Variants in VSX2 observed in about 807,000 individuals in gnomAD.
VSX2 encodes the protein visual system homeobox 2.
In VSX2, 28 loss-of-function variants were observed where a neutral mutation model predicts 32.1. That is an observed-to-expected ratio of 0.87 (90% CI 0.65 to 1.20). The LOEUF is 1.20. Among genes scored for constraint, VSX2 ranks in the 50% most tolerant of loss-of-function variants. The probability of loss-of-function intolerance (pLI) is 0.00; values close to 1 mark genes in which losing one functional copy is unlikely to be tolerated. For synonymous variants in VSX2, 243 were observed against 214.1 expected (o/e 1.14, Z -1.18); for missense variants, 506 against 488.7 (o/e 1.04, Z -0.33).
At chr14:74,243,635 G>A (rs1447781133) in intron 2 of VSX2, among the ~76,000 whole-genome samples, 3 of 152,026 alleles carry the variant, frequency 2.0e-5, no homozygotes, top group East Asian at 3.8e-4. Flanking sequence ...TGGCAGAAGC[G>A]AAAAAGCAGC....
intron 3 of VSX2, among the ~76,000 whole-genome samples, chr14:74,254,929 C>G (rs2079253778): frequency 6.6e-6 from 1 of 151,772 alleles, no homozygotes; most frequent in South Asian, 2.1e-4. Flanking sequence ...ACAGGCGCCC[C>G]CCACCACACC....
chr14:74,260,463 G>A, intron 4 of VSX2, 131 bp from the exon 5 acceptor site: 1 of 964,056 alleles, frequency 1.0e-6, no homozygotes, highest in Non-Finnish European at 1.6e-6. Flanking sequence ...TGGGACTTGT[G>A]TGACTGCGGT....
intron 2 of VSX2, among the ~76,000 whole-genome samples, chr14:74,243,823 G>A (rs1333991344): frequency 1.3e-5 from 2 of 151,902 alleles, no homozygotes; most frequent in East Asian, 3.9e-4. Flanking sequence ...ACCAGCACAA[G>A]GATTGTGTGA....
intron 3 of VSX2, among the ~76,000 whole-genome samples, chr14:74,250,000 G>A (rs2079218741): frequency 6.6e-6 from 1 of 152,070 alleles, no homozygotes; most frequent in East Asian, 1.9e-4. Context: ...CAGCATTTTG[G>A]GAGCCTAAGG....
intron 2 of VSX2, among the ~76,000 whole-genome samples, chr14:74,244,545 G>A (rs1457890523): frequency 6.6e-6 from 1 of 152,072 alleles, no homozygotes; most frequent in Non-Finnish European, 1.5e-5. Context: ...TTGACCTTCC[G>A]GTGAATCTTC....
intron 2 of VSX2, among the ~76,000 whole-genome samples, chr14:74,243,717 GAGAAT>G (rs146290440): frequency 0.013 from 2,029 of 151,134 alleles, 45 homozygotes; most frequent in African/African-American, 0.044. Flanking sequence ...CCCACCCCCA[GAGAAT>G]AGGAGAAACG....
intron 3 of VSX2, among the ~76,000 whole-genome samples, chr14:74,246,969 G>C (rs1465263343): frequency 6.6e-6 from 1 of 152,058 alleles, no homozygotes; most frequent in Non-Finnish European, 1.5e-5. Flanking sequence ...TTGCTTGGGG[G>C]TTGCCTATAA....
intron 2 of VSX2, 96 bp downstream of exon 2, chr14:74,241,362 A>G: frequency 7.3e-7 from 1 of 1,363,288 alleles, no homozygotes; most frequent in Non-Finnish European, 1.0e-6. Context: ...TTTCGCCGAC[A>G]ACGGATCTGA....
Position 74,261,053 on chromosome 14 carries a change from A to T in VSX2, c.*134A>T. ...CCCTGTTCCCCACAGGTCCTCCATCACCCCTGGTGGCTGCAGGCACCGCTG... is the reference window on the plus strand; with the variant it reads ...CCCTGTTCCCCACAGGTCCTCCATCTCCCCTGGTGGCTGCAGGCACCGCTG... On this transcript the variant is annotated 3_prime_UTR_variant, in exon 5 of 5. Transcript: ENST00000261980. 1 of 1,081,984 alleles carries T rather than the reference A, an allele frequency of 9.2e-7. No homozygotes were observed. Among genetic ancestry groups the T allele is most frequent in the Non-Finnish European group, 1.3e-6 (1 of 751,400 alleles). 67.0% of individuals were successfully genotyped at this position (1,081,984 alleles called of 1,614,324 possible). A position where few individuals can be genotyped will look rare whatever the true frequency, so the allele number is the denominator to read the frequency against.
rs2079314101 is a variant in VSX2 at position 74,262,370 on chromosome 14, G to C, written c.*1451G>C. 6.6e-6 allele frequency: 1 copy of C among 152,246 alleles called. No homozygotes were observed. Among genetic ancestry groups the C allele is most frequent in the African/African-American group, 2.4e-5 (1 of 41,436 alleles). The allele number at this position is 152,246 out of a possible 1,614,324, so 9.4% of individuals were successfully genotyped here. The stretch of plus-strand genomic sequence containing the variant: ...TGACCTGCCCGATCCAGATTCCCAG[G>C]CCAGGCTCCCGACCCCATCCACCTA... On this transcript the variant is annotated 3_prime_UTR_variant, in exon 5 of 5. Coordinates refer to ENST00000261980, the MANE Select transcript of VSX2 (RefSeq NM_182894.3).
intron 3 of VSX2, among the ~76,000 whole-genome samples, chr14:74,248,821 T>TCCCATCTGTGAGCCTCAGTTTC (rs2079211854): frequency 6.6e-6 from 1 of 152,202 alleles, no homozygotes; most frequent in Non-Finnish European, 1.5e-5. Flanking sequence ...CTAGGCCACT[T>TCCCATCTGTGAGCCTCAGTTTC]CCCATCTGTG....
intron 3 of VSX2, among the ~76,000 whole-genome samples, chr14:74,249,275 C>T (rs962770965): frequency 1.2e-4 from 18 of 152,018 alleles, no homozygotes; most frequent in Non-Finnish European, 1.9e-4. Context: ...TTCTCTTTTT[C>T]TTCTTTTTTT....
In VSX2 at chr14:74,252,846, C is replaced by T. The variant is rs552260546; in HGVS notation, c.580-6756C>T. On this transcript the variant is annotated intron_variant, in intron 3 of 4. Transcript: ENST00000261980. Reference sequence around the variant, plus strand: ...GCGGATCACCTTGAGGTCAGGGGTTCGAGACCAGCCTGGCCAACATGGTGA... The same window carrying T: ...GCGGATCACCTTGAGGTCAGGGGTTTGAGACCAGCCTGGCCAACATGGTGA... 7.3e-5 allele frequency among the ~76,000 whole-genome samples: 11 copies of T among 151,640 alleles called. No individual in the cohort carries two copies. The South Asian group carries it at 1.9e-3, about 26-fold the overall frequency.
chr14:74,250,110 C>G (rs377713116), intron 3 of VSX2, among the ~76,000 whole-genome samples: 1 of 152,044 alleles, frequency 6.6e-6, no homozygotes, highest in African/African-American at 2.4e-5. Context: ...TGTGGTGACA[C>G]ATGCTGGTCC....
intron 3 of VSX2, among the ~76,000 whole-genome samples, chr14:74,246,976 A>C (rs988360789): frequency 9.9e-5 from 15 of 152,102 alleles, no homozygotes; most frequent in African/African-American, 3.6e-4. Context: ...GGGGTTGCCT[A>C]TAAGGTGGTA....
Position 74,259,752 on chromosome 14 carries a change from A to T in VSX2, c.730A>T (p.Ile244Phe). Reference sequence around the variant, plus strand: ...CATCCTCAAGTCAGCCAAGGATGGCATCATGGACTCCTGTGCCCCGTGGCT... The same window carrying T: ...CATCCTCAAGTCAGCCAAGGATGGCTTCATGGACTCCTGTGCCCCGTGGCT... ...ESILKSAKDG[I>F]MDSCAPWLLG... The change falls in exon 4 of 5, where the codon ATC becomes TTC. Residue 244 changes from isoleucine to phenylalanine, a missense_variant. Transcript: ENST00000261980. 1 of 1,613,734 alleles carries T rather than the reference A, an allele frequency of 6.2e-7. No individual in the cohort carries two copies. Among genetic ancestry groups the T allele is most frequent in the Non-Finnish European group, 8.5e-7 (1 of 1,179,792 alleles).
At chr14:74,247,965 C>T (rs188212346) in intron 3 of VSX2, among the ~76,000 whole-genome samples, 7 of 152,240 alleles carry the variant, frequency 4.6e-5, no homozygotes, top group Non-Finnish European at 8.8e-5. Context: ...CATGTATATT[C>T]AGCAGAGTCC....
At chr14:74,246,905 G>C (rs980872392) in intron 3 of VSX2, among the ~76,000 whole-genome samples, 3 of 152,082 alleles carry the variant, frequency 2.0e-5, no homozygotes, top group Non-Finnish European at 4.4e-5. Flanking sequence ...AGCTGTAACT[G>C]CATTGCTACG....
intron 3 of VSX2, among the ~76,000 whole-genome samples, chr14:74,258,661 G>A (rs2079283629): frequency 6.6e-6 from 1 of 152,180 alleles, no homozygotes; most frequent in Non-Finnish European, 1.5e-5. Flanking sequence ...GTCAGCTGCG[G>A]GAAATCTCCG....
Sources: allele counts gnomAD v4.1 joint callset (sites outside exome capture counted in the v4.1 genomes callset), GRCh38; gene constraint gnomAD v4.1.1; transcripts MANE v1.5; gene names NCBI Gene and HGNC (gene_info 2026-07-23, HGNC 2026-07-21).